The following PGR variants were observed in gnomAD, a reference collection of about 807,000 sequenced individuals.
PGR encodes the protein nuclear receptor subfamily 3 group C member 3.
Under a neutral mutation model 76.1 loss-of-function variants are expected in PGR, and 25 were observed. The ratio of observed to expected loss-of-function variants is 0.33; its 90% CI spans 0.24 to 0.46. The LOEUF is 0.46. Among genes scored for constraint, PGR ranks in the 20% least tolerant of loss-of-function variants. The pLI, the probability that PGR is intolerant of heterozygous loss-of-function variation, is 1.00. For missense variants in PGR, 1,172 were observed against 1,225.3 expected (o/e 0.96, Z 0.65); for synonymous variants, 579 against 535.0 (o/e 1.08, Z -1.14).
chr11:101,051,289 T>C (rs1490461823), intron 5 of PGR, 135 bp downstream of exon 5: 1 of 636,138 alleles, frequency 1.6e-6, no homozygotes, highest in Non-Finnish European at 2.7e-6. Context: ...GCTCCAAATA[T>C]AAAATTACCG....
In PGR at chr11:101,128,271, A is replaced by G. The variant is rs758860074; in HGVS notation, c.800T>C (p.Leu267Pro). ...PPGAAAGGVA[L>P]VPKEDSRFSA... ...GAAGCGGGAATCTTCCTTGGGGACC[A>G]GGGCGACGCCTCCTGCTGCCGCCCC... Residue 267 changes from leucine to proline, a missense_variant, in exon 1 of 8, where the codon CTG becomes CCG. Leu to Pro is a moderately conservative substitution (Grantham distance 98, BLOSUM62 -3). This residue lies in a region of PGR where 893 missense variants were observed against 785.9 expected (regional missense o/e 1.14). Coordinates refer to ENST00000325455, the MANE Select transcript of PGR (RefSeq NM_000926.4). The G allele has an allele frequency of 3.1e-6, 5 of 1,592,324 alleles. No individual in the cohort carries two copies. The Admixed American group carries it at 5.1e-5, about 16-fold the overall frequency.
intron 7 of PGR, among the ~76,000 whole-genome samples, chr11:101,040,438 T>C (rs1859659666): frequency 6.6e-6 from 1 of 152,064 alleles, no homozygotes; most frequent in South Asian, 2.1e-4. Flanking sequence ...CTTGAGAAAG[T>C]TGTATCTGAG....
Position 101,129,042 on chromosome 11 carries a change from C to G in PGR, c.29G>C (p.Arg10Pro). 1 of 1,562,980 alleles carries G rather than the reference C, an allele frequency of 6.4e-7. No individual in the cohort carries two copies. The highest frequency in any genetic ancestry group is 8.7e-7 in the Non-Finnish European group (1 of 1,154,304). MTELKAKGPRAPHVAGGPPS... is the reference protein window; with the variant it reads MTELKAKGPPAPHVAGGPPS... ...CGGGCCGCCCGCCACGTGGGGAGCC[C>G]GGGGACCCTTTGCCTTCAGCTCAGT... is the stretch of plus-strand genomic sequence containing the variant. Residue 10 changes from arginine (R) to proline (P), a missense_variant, in exon 1 of 8, where the codon CGG becomes CCG. By Grantham distance (103) the Arg-to-Pro change is moderately radical. Around this residue, in one of 4 missense-constraint regions of PGR, gnomAD observed 893 missense variants for 785.9 expected, o/e 1.14. Transcript: ENST00000325455.
Position 101,034,405 on chromosome 11 carries a change from AC to A in PGR, c.*4710del, listed in dbSNP as rs1247394991. 1.0e-5 allele frequency: 2 copies of A among 199,738 alleles called. No homozygotes were observed. Among genetic ancestry groups the A allele is most frequent in the Admixed American group, 6.0e-5 (1 of 16,556 alleles). 12.4% of individuals were successfully genotyped at this position (199,738 alleles called of 1,614,324 possible). ...AGGTCAACTCCAAGGAGGAGAACAA[AC>A]CCCTTGGTGTTTTTCTTTGCTTTGG... is the stretch of plus-strand genomic sequence containing the variant. On this transcript the variant is annotated 3_prime_UTR_variant, in exon 8 of 8. Coordinates refer to ENST00000325455, the MANE Select transcript of PGR (RefSeq NM_000926.4).
chr11:101,047,644 T>A (rs1859936146), intron 6 of PGR, among the ~76,000 whole-genome samples: 1 of 152,122 alleles, frequency 6.6e-6, no homozygotes, highest in Non-Finnish European at 1.5e-5. Context: ...CCTGTAAAGA[T>A]GTTGCCAAGA....
chr11:101,041,203 A>G (rs1375229175), intron 7 of PGR, among the ~76,000 whole-genome samples: 1 of 151,964 alleles, frequency 6.6e-6, no homozygotes, highest in Non-Finnish European at 1.5e-5. Flanking sequence ...CTTTACTCAA[A>G]TAGCTCATAA....
intron 4 of PGR, among the ~76,000 whole-genome samples, chr11:101,062,116 G>T (rs1430204112): frequency 1.3e-5 from 2 of 151,962 alleles, no homozygotes; most frequent in Non-Finnish European, 2.9e-5. Context: ...AATAAATAGG[G>T]CATTTATAAA....
chr11:101,123,837 G>A (rs540472437), intron 2 of PGR, among the ~76,000 whole-genome samples: 33 of 152,290 alleles, frequency 2.2e-4, no homozygotes, highest in African/African-American at 7.7e-4. Flanking sequence ...TTATTTAGAT[G>A]TTTTATGTGC....
intron 2 of PGR, among the ~76,000 whole-genome samples, chr11:101,096,863 G>A (rs1022489579): frequency 1.3e-5 from 2 of 152,140 alleles, no homozygotes; most frequent in African/African-American, 2.4e-5. Flanking sequence ...TGTAAAACAC[G>A]TCACTATATT....
In PGR at chr11:101,129,341, GT is replaced by G. The variant is rs11571142; in HGVS notation, c.-272del. 5,872 of 448,104 alleles carry G rather than the reference GT, an allele frequency of 0.013. 247 individuals are homozygous for G. Among genetic ancestry groups the G allele is most frequent in the African/African-American group, 0.098 (5,050 of 51,288 alleles). 27.8% of individuals were successfully genotyped at this position (448,104 alleles called of 1,614,324 possible). A position where few individuals can be genotyped will look rare whatever the true frequency, so the allele number is the denominator to read the frequency against. ...GGGAGCGCAAGAAAAAGTAGTAATTGTTAGGAGATCTCGTCTCCTAACTCGG... is the reference window on the plus strand; with the variant it reads ...GGGAGCGCAAGAAAAAGTAGTAATTGTAGGAGATCTCGTCTCCTAACTCGG... On this transcript the variant is annotated 5_prime_UTR_variant, in exon 1 of 8. Coordinates refer to ENST00000325455, the MANE Select transcript of PGR (RefSeq NM_000926.4).
Position 101,031,270 on chromosome 11 carries a change from G to A in PGR, c.*7846C>T, listed in dbSNP as rs1565321129. ...CTTAAATATGAGATGATAGCAACGG[G>A]GGTCTATGACCAGGCATAACTAACA... On this transcript the variant is annotated 3_prime_UTR_variant, in exon 8 of 8. Coordinates refer to ENST00000325455, the MANE Select transcript of PGR (RefSeq NM_000926.4). 3 of 220,074 alleles carry A rather than the reference G, an allele frequency of 1.4e-5. No homozygotes were observed. Among genetic ancestry groups the A allele is most frequent in the Middle Eastern group, 1.3e-3 (1 of 748 alleles). 13.6% of individuals were successfully genotyped at this position (220,074 alleles called of 1,614,324 possible).
intron 6 of PGR, 83 bp from the exon 7 acceptor site, chr11:101,042,185 A>G: frequency 7.0e-7 from 1 of 1,420,638 alleles, no homozygotes; most frequent in South Asian, 1.2e-5. Flanking sequence ...TGAGCTATAT[A>G]ATGATTTCTT....
chr11:101,098,321 T>C (rs1279899773), intron 2 of PGR, among the ~76,000 whole-genome samples: 1 of 152,206 alleles, frequency 6.6e-6, no homozygotes, highest in Non-Finnish European at 1.5e-5. Flanking sequence ...GTGAACATAG[T>C]TCACTTAGGT....
At position 101,034,287 on chromosome 11, in the gene PGR, T is replaced by C. The variant is rs1859440548; in HGVS notation, c.*4829A>G. 4.6e-6 allele frequency: 1 copy of C among 218,882 alleles called. No individual in the cohort carries two copies. The highest frequency in any genetic ancestry group is 9.2e-6 in the Non-Finnish European group (1 of 108,910). 13.6% of individuals were successfully genotyped at this position (218,882 alleles called of 1,614,324 possible). On this transcript the variant is annotated 3_prime_UTR_variant, in exon 8 of 8. Transcript: ENST00000325455. ...CATTCTGGGACTAGGCCAGCAGTCC[T>C]GCAACAGTCTTCCAGACTCCACAGC...
intron 5 of PGR, 62 bp from the exon 6 acceptor site, chr11:101,050,121 G>C: frequency 6.4e-7 from 1 of 1,552,566 alleles, no homozygotes; most frequent in Non-Finnish European, 8.8e-7. Flanking sequence ...GTCTCAGCCA[G>C]TTTAGGTAAT....
At chr11:101,060,112 A>G (rs1860438646) in intron 4 of PGR, among the ~76,000 whole-genome samples, 2 of 152,224 alleles carry the variant, frequency 1.3e-5, no homozygotes, top group African/African-American at 4.8e-5. Flanking sequence ...ACAGTTTCCT[A>G]TTGTGAAAGA....
At chr11:101,090,600 G>A (rs1224468623) in intron 3 of PGR, among the ~76,000 whole-genome samples, 1 of 152,210 alleles carries the variant, frequency 6.6e-6, no homozygotes, top group Non-Finnish European at 1.5e-5. Context: ...TAATTGAGGT[G>A]TGGGACTCAA....
At chr11:101,056,636 T>C (rs1351971355) in intron 4 of PGR, among the ~76,000 whole-genome samples, 1 of 93,112 alleles carries the variant, frequency 1.1e-5, no homozygotes, top group Non-Finnish European at 2.2e-5. Flanking sequence ...TGAGAGCCTA[T>C]CTCAAGAAAA....
At chr11:101,041,832 T>C in intron 7 of PGR, 113 bp downstream of exon 7, 1 of 937,260 alleles carries the variant, frequency 1.1e-6, no homozygotes, top group Non-Finnish European at 1.7e-6. Flanking sequence ...ACTTTTAACA[T>C]ACAAGTATTA....
Sources: allele counts gnomAD v4.1 joint callset (sites outside exome capture counted in the v4.1 genomes callset), GRCh38; gene constraint gnomAD v4.1.1; regional missense constraint gnomAD v4.1.1; transcripts MANE v1.5; gene names NCBI Gene and HGNC (gene_info 2026-07-23, HGNC 2026-07-21).